Variants in CNTN3 observed in about 807,000 individuals in gnomAD.
CNTN3 encodes contactin 3, also known as contactin-3.
A neutral mutation model predicts 119.1 loss-of-function variants in CNTN3; 60 were observed. That is an observed-to-expected ratio of 0.50 (90% CI 0.41 to 0.62). CNTN3 has a LOEUF of 0.62. CNTN3 is among the 20% of genes least tolerant of loss of function. The pLI, the probability that CNTN3 is intolerant of heterozygous loss-of-function variation, is 0.00. For synonymous variants in CNTN3, 450 were observed against 438.7 expected (o/e 1.03, Z -0.32); for missense variants, 1,101 against 1,242.4 (o/e 0.89, Z 1.71).
At chr3:74,476,692 AAAT>A (rs1259392765) in intron 4 of CNTN3, among the ~76,000 whole-genome samples, 5 of 152,164 alleles carry the variant, frequency 3.3e-5, no homozygotes, top group Non-Finnish European at 7.4e-5. Flanking sequence ...GAGAGGGGTC[AAAT>A]AATCAGAAAA....
intron 13 of CNTN3, among the ~76,000 whole-genome samples, chr3:74,308,764 G>A (rs1702616932): frequency 6.6e-6 from 1 of 151,880 alleles, no homozygotes; most frequent in Non-Finnish European, 1.5e-5. Flanking sequence ...AATTGTTTTT[G>A]CCATATCCTG....
rs539459045 is a variant in CNTN3, at chr3:74,559,612, G to T, written c.-80-38420C>A. On this transcript the variant is annotated intron_variant, in intron 1 of 22. Transcript: ENST00000263665. The stretch of plus-strand genomic sequence containing the variant: ...CACACAACCAACTTGGACCAAAAAA[G>T]AAAAGAAAAAAAAAAAGCAGTACTG... 2.9e-3 allele frequency among the ~76,000 whole-genome samples: 115 copies of T among 39,924 alleles called. No individual in the cohort carries two copies. In the East Asian group the frequency reaches 0.11, roughly 39 times the overall value. 26.2% of individuals were successfully genotyped at this position (39,924 alleles called of 152,430 possible).
chr3:74,612,840 C>A (rs889744485), intron 1 of CNTN3, among the ~76,000 whole-genome samples: 1 of 152,118 alleles, frequency 6.6e-6, no homozygotes, highest in Admixed American at 6.5e-5. Context: ...GAGGCTGAAC[C>A]CGATCAGATT....
chr3:74,351,296 C>T (rs566580960), intron 11 of CNTN3, among the ~76,000 whole-genome samples: 2 of 152,246 alleles, frequency 1.3e-5, no homozygotes, highest in African/African-American at 4.8e-5. Flanking sequence ...ATAATTTGTC[C>T]ACAGGAAACC....
Position 74,486,632 on chromosome 3 carries a change from C to T in CNTN3, c.183-1G>A, listed in dbSNP as rs1208792016. On this transcript the variant is annotated splice_acceptor_variant, in intron 3 of 22. Coordinates refer to ENST00000263665, the MANE Select transcript of CNTN3 (RefSeq NM_020872.3). LOFTEE classifies it high-confidence loss of function. ...AATATCACTTCCATTCAGCTGCCAT[C>T]TGTAAAACAAATATCAAGGTTCCCC... is the stretch of plus-strand genomic sequence containing the variant. 6.5e-7 allele frequency: 1 copy of T among 1,527,280 alleles called. No individual in the cohort carries two copies. Among genetic ancestry groups the T allele is most frequent in the Non-Finnish European group, 8.7e-7 (1 of 1,143,962 alleles). The allele number at this position is 1,527,280 out of a possible 1,614,324, so 94.6% of individuals were successfully genotyped here. A position where few individuals can be genotyped will look rare whatever the true frequency, so the allele number is the denominator to read the frequency against.
chr3:74,524,354 T>A (rs1193358492), intron 1 of CNTN3, among the ~76,000 whole-genome samples: 2 of 151,484 alleles, frequency 1.3e-5, no homozygotes, highest in African/African-American at 4.8e-5. Flanking sequence ...ACTCATAGAG[T>A]TTATCAACTA....
At chr3:74,388,087 T>C (rs942688105) in intron 5 of CNTN3, among the ~76,000 whole-genome samples, 3 of 152,188 alleles carry the variant, frequency 2.0e-5, no homozygotes, top group Non-Finnish European at 4.4e-5. Flanking sequence ...GCACTGGCTC[T>C]TGGAATAGCC....
intron 4 of CNTN3, among the ~76,000 whole-genome samples, chr3:74,484,594 TAAAATA>T (rs1315197913): frequency 6.6e-6 from 1 of 152,078 alleles, no homozygotes; most frequent in East Asian, 1.9e-4. Context: ...CAAAGTAAAT[TAAAATA>T]ACCTAAACTT....
chr3:74,558,373 C>T (rs1252710873), intron 1 of CNTN3, among the ~76,000 whole-genome samples: 1 of 152,174 alleles, frequency 6.6e-6, no homozygotes, highest in African/African-American at 2.4e-5. Context: ...AGAATGCAAT[C>T]TAAGAAACTT....
intron 4 of CNTN3, among the ~76,000 whole-genome samples, chr3:74,455,477 T>C (rs1432719642): frequency 6.6e-6 from 1 of 152,144 alleles, no homozygotes; most frequent in African/African-American, 2.4e-5. Context: ...AGTTTGATCG[T>C]CTGAAGCCTT....
chr3:74,495,761 T>C (rs1487214399), intron 3 of CNTN3, among the ~76,000 whole-genome samples: 1 of 152,058 alleles, frequency 6.6e-6, no homozygotes, highest in Non-Finnish European at 1.5e-5. Context: ...TAGACAACCA[T>C]GTTTAAGGGC....
At chr3:74,507,912 A>G (rs1237087457) in intron 2 of CNTN3, among the ~76,000 whole-genome samples, 1 of 152,000 alleles carries the variant, frequency 6.6e-6, no homozygotes, top group African/African-American at 2.4e-5. Flanking sequence ...GATTATAGGC[A>G]TGAGCCACCG....
intron 4 of CNTN3, among the ~76,000 whole-genome samples, chr3:74,471,918 T>C (rs1244585858): frequency 1.3e-5 from 2 of 152,358 alleles, no homozygotes; most frequent in Middle Eastern, 3.4e-3. Context: ...CGTTCCTAAA[T>C]GCTCAGCCTT....
chr3:74,597,482 C>T (rs6762683), intron 1 of CNTN3, among the ~76,000 whole-genome samples: 32,750 of 151,746 alleles, frequency 0.22, 5,455 homozygotes, highest in African/African-American at 0.45. Context: ...GAAAACAGCC[C>T]CAAATCCCAC....
intron 20 of CNTN3, among the ~76,000 whole-genome samples, chr3:74,278,726 A>G (rs564952596): frequency 9.8e-5 from 15 of 152,330 alleles, no homozygotes; most frequent in African/African-American, 3.6e-4. Context: ...AGAACCCAAA[A>G]GCAAATGCAA....
chr3:74,397,333 C>A (rs1054711893), intron 5 of CNTN3, among the ~76,000 whole-genome samples: 6 of 152,142 alleles, frequency 3.9e-5, no homozygotes, highest in Non-Finnish European at 8.8e-5. Flanking sequence ...GATGCACCCA[C>A]AAGCTCTGAT....
intron 1 of CNTN3, among the ~76,000 whole-genome samples, chr3:74,575,971 C>T (rs1391884600): frequency 1.3e-5 from 2 of 152,014 alleles, no homozygotes; most frequent in Non-Finnish European, 2.9e-5. Flanking sequence ...CTAGCTCCAC[C>T]ACAAGTACTT....
intron 4 of CNTN3, among the ~76,000 whole-genome samples, chr3:74,448,898 G>A (rs893928781): frequency 6.6e-6 from 1 of 151,982 alleles, no homozygotes; most frequent in Non-Finnish European, 1.5e-5. Flanking sequence ...GAAAAAGTTT[G>A]CCTCTTCTGA....
intron 5 of CNTN3, among the ~76,000 whole-genome samples, chr3:74,409,088 T>A (rs1701394948): frequency 6.6e-6 from 1 of 152,234 alleles, no homozygotes; most frequent in African/African-American, 2.4e-5. Context: ...TGTCTTACCA[T>A]GGTCTTGGGT....
Sources: allele counts gnomAD v4.1 joint callset (sites outside exome capture counted in the v4.1 genomes callset), GRCh38; gene constraint gnomAD v4.1.1; transcripts MANE v1.5; gene names NCBI Gene and HGNC (gene_info 2026-07-23, HGNC 2026-07-21).